Variants in BRWD1 observed in about 807,000 individuals in gnomAD.
BRWD1 encodes the protein bromodomain and WD repeat-containing protein 1.
BRWD1 carries 82 observed loss-of-function variants against 251.2 expected under a neutral mutation model. The observed-to-expected ratio is 0.33, with a 90% CI of 0.27 to 0.39. The LOEUF is 0.39. Ranked by LOEUF, BRWD1 falls within the 10% of genes least tolerant of loss-of-function variation. BRWD1 has a pLI of 1.00. For synonymous variants in BRWD1, 918 were observed against 902.8 expected (o/e 1.02, Z -0.30); for missense variants, 2,233 against 2,711.6 (o/e 0.82, Z 3.92).
chr21:39,212,521 C>T (rs1435034139), intron 34 of BRWD1, 145 bp downstream of exon 34: 1 of 644,024 alleles, frequency 1.6e-6, no homozygotes, highest in African/African-American at 1.9e-5. Context: ...CCCACTAAAT[C>T]TTTCCAGTAA....
chr21:39,294,484 T>TGTC (rs35723741), intron 7 of BRWD1, among the ~76,000 whole-genome samples: 140,846 of 152,008 alleles, frequency 0.93, 65,595 homozygotes, highest in African/African-American at 0.97. Flanking sequence ...AGTGAAACCT[T>TGTC]TCTACTAAAA....
intron 4 of BRWD1, among the ~76,000 whole-genome samples, chr21:39,307,485 T>C (rs1041326337): frequency 6.6e-6 from 1 of 152,206 alleles, no homozygotes; most frequent in African/African-American, 2.4e-5. Context: ...ATTGCACATA[T>C]TATATGTATA....
chr21:39,311,716 A>C (rs2036490137), intron 4 of BRWD1, among the ~76,000 whole-genome samples: 1 of 152,238 alleles, frequency 6.6e-6, no homozygotes, highest in South Asian at 2.1e-4. Context: ...TCCCTTGAAA[A>C]CATCCACTGT....
intron 21 of BRWD1, among the ~76,000 whole-genome samples, chr21:39,240,832 CAAA>C (rs2033963739): frequency 6.6e-6 from 1 of 150,758 alleles, no homozygotes; most frequent in African/African-American, 2.4e-5. Flanking sequence ...TGGTTAACGA[CAAA>C]AAAAGAACAG....
chr21:39,312,780 A>AGGGGCG (rs961830889), intron 4 of BRWD1, 61 bp downstream of exon 4: 259 of 1,384,910 alleles, frequency 1.9e-4, no homozygotes, highest in Non-Finnish European at 2.2e-4. Context: ...CGCGAGGGGA[A>AGGGGCG]GGGGCGGGGG....
At position 39,196,435 on chromosome 21, in the gene BRWD1, T is replaced by C; in HGVS notation, c.6634A>G (p.Arg2212Gly). Residue 2212 changes from arginine (R) to glycine (G), a missense_variant, in exon 41 of 41, where the codon AGG (arginine) becomes GGG (glycine). Arg to Gly is a moderately radical substitution (Grantham distance 125). Transcript: ENST00000342449. The part of the protein sequence containing the change: ...VRRQRQSKRP[R>G]LSVDDNDWED... The stretch of plus-strand genomic sequence containing the variant: ...CAGTCATTATCATCCACACTTAACC[T>C]AGGGCGTTTGCTTTGTCTTTGACGT... The C allele has an allele frequency of 1.2e-6, 2 of 1,613,670 alleles. No individual in the cohort carries two copies. The highest frequency in any genetic ancestry group is 1.7e-6 in the Non-Finnish European group (2 of 1,179,726).
intron 39 of BRWD1, 127 bp downstream of exon 39, chr21:39,200,091 TA>T: frequency 1.1e-6 from 1 of 946,430 alleles, no homozygotes; most frequent in Non-Finnish European, 1.5e-6. Flanking sequence ...ATTTCCTTCC[TA>T]AATCTAAGGA....
At chr21:39,298,151 T>C (rs1169936531) in intron 5 of BRWD1, 1 of 1,067,858 alleles carries the variant, frequency 9.4e-7, no homozygotes, top group Non-Finnish European at 1.1e-6. Flanking sequence ...AATGGAAAAT[T>C]AAGAACTCAC....
Position 39,189,534 on chromosome 21 carries a change from C to A in BRWD1, c.*6725G>T. 1.0e-6 allele frequency: 1 copy of A among 982,954 alleles called. No homozygotes were observed. The highest frequency in any genetic ancestry group is 1.1e-4 in the East Asian group (1 of 8,784). 60.9% of individuals were successfully genotyped at this position (982,954 alleles called of 1,614,324 possible). A position where few individuals can be genotyped will look rare whatever the true frequency, so the allele number is the denominator to read the frequency against. ...TAAAAAATACTTAAGGAAATTTGAA[C>A]TTCAGTAACTATGCCCAAGGGAGGG... On this transcript the variant is annotated 3_prime_UTR_variant, in exon 41 of 41. Coordinates refer to ENST00000342449, the MANE Select transcript of BRWD1 (RefSeq NM_033656.4).
At position 39,264,432 on chromosome 21, in the gene BRWD1, A is replaced by T. The variant is rs1468744564; in HGVS notation, c.1885+28T>A. On this transcript the variant is annotated intron_variant, in intron 17 of 40. Transcript: ENST00000342449. Reference sequence around the variant, plus strand: ...TAAAATATTCAAGTACAACTTTAAAAAAAAAAAAAAAAAAAGACTGCACTT... The same window carrying T: ...TAAAATATTCAAGTACAACTTTAAATAAAAAAAAAAAAAAAGACTGCACTT... The T allele has an allele frequency of 2.8e-5, 17 of 616,740 alleles. 1 individual carries two copies. The highest frequency in any genetic ancestry group is 3.7e-5 in the Non-Finnish European group (16 of 428,860). The allele number at this position is 616,740 out of a possible 1,614,324, so 38.2% of individuals were successfully genotyped here.
chr21:39,271,085 C>T (rs1004903333), intron 13 of BRWD1, among the ~76,000 whole-genome samples: 2 of 149,060 alleles, frequency 1.3e-5, no homozygotes, highest in East Asian at 4.1e-4. Context: ...ACGAGGTCAG[C>T]GGTTTGAGAC....
chr21:39,193,565 G>A lies in BRWD1; in HGVS notation c.*2694C>T. On this transcript the variant is annotated 3_prime_UTR_variant, in exon 41 of 41. Coordinates refer to ENST00000342449, the MANE Select transcript of BRWD1 (RefSeq NM_033656.4). Reference sequence around the variant, plus strand: ...CTTCAAAGCCTGTAAAACCATAAATGAATAAAACCATAGGACTTTGGACAT... The same window carrying A: ...CTTCAAAGCCTGTAAAACCATAAATAAATAAAACCATAGGACTTTGGACAT... 1.0e-6 allele frequency: 1 copy of A among 985,394 alleles called. No homozygotes were observed. The highest frequency in any genetic ancestry group is 1.2e-6 in the Non-Finnish European group (1 of 829,682). The allele number at this position is 985,394 out of a possible 1,614,324, so 61.0% of individuals were successfully genotyped here. A position where few individuals can be genotyped will look rare whatever the true frequency, so the allele number is the denominator to read the frequency against.
intron 29 of BRWD1, among the ~76,000 whole-genome samples, chr21:39,221,613 G>A (rs2836944): frequency 0.3 from 46,285 of 152,060 alleles, 7,513 homozygotes; most frequent in Middle Eastern, 0.36. Flanking sequence ...CCAAACTAAT[G>A]GATAACAGTT....
At chr21:39,247,632 A>T (rs897640115) in intron 21 of BRWD1, 69 bp downstream of exon 21, 89 of 1,456,898 alleles carry the variant, frequency 6.1e-5, no homozygotes, top group Non-Finnish European at 7.9e-5. Context: ...GGGTATATTC[A>T]TTCAAAGTAA....
chr21:39,320,791 C>T (rs1450306960), intron 1 of BRWD1, among the ~76,000 whole-genome samples: 1 of 151,652 alleles, frequency 6.6e-6, no homozygotes, highest in African/African-American at 2.4e-5. Flanking sequence ...CCTCAGCCTC[C>T]CCAGTAGCTG....
intron 25 of BRWD1, 71 bp from the exon 26 acceptor site, chr21:39,229,507 T>C: frequency 7.2e-7 from 1 of 1,385,676 alleles, no homozygotes; most frequent in Non-Finnish European, 1.0e-6. Flanking sequence ...CCACATACTG[T>C]TATATTAAGT....
At chr21:39,251,391 A>C (rs979049871) in intron 19 of BRWD1, among the ~76,000 whole-genome samples, 1 of 152,190 alleles carries the variant, frequency 6.6e-6, no homozygotes, top group Non-Finnish European at 1.5e-5. Context: ...GCCACCAAGA[A>C]GAAGGTACTA....
At chr21:39,275,322 G>T (rs957573174) in intron 12 of BRWD1, among the ~76,000 whole-genome samples, 5 of 151,948 alleles carry the variant, frequency 3.3e-5, no homozygotes, top group Non-Finnish European at 7.4e-5. Context: ...TGGTTTCTTA[G>T]AAAAGTTTTT....
intron 29 of BRWD1, among the ~76,000 whole-genome samples, chr21:39,220,284 A>G (rs1325581616): frequency 1.3e-5 from 2 of 152,222 alleles, no homozygotes; most frequent in African/African-American, 2.4e-5. Flanking sequence ...CTGTGATAAC[A>G]AAGGCCTGAT....
Sources: gnomAD v4.1 joint callset for allele counts (sites outside exome capture counted in the v4.1 genomes callset) on GRCh38, gnomAD v4.1.1 for gene constraint, MANE v1.5 for transcripts, NCBI Gene and HGNC (gene_info 2026-07-23, HGNC 2026-07-21) for gene names.